CD244: variants seen among roughly 807,000 people sequenced by gnomAD.
CD244 encodes natural killer cell receptor 2B4.
In CD244, 20 loss-of-function variants were observed where a neutral mutation model predicts 45.5. The ratio of observed to expected loss-of-function variants is 0.44; its 90% CI spans 0.31 to 0.64. The LOEUF (loss-of-function observed/expected upper bound fraction) is 0.64, where lower values mean the gene tolerates loss of function less well. Among genes scored for constraint, CD244 ranks in the 30% least tolerant of loss-of-function variants. CD244 has a pLI of 0.08. For missense variants in CD244, 407 were observed against 426.9 expected, an observed-to-expected ratio of 0.95 and a Z score of 0.41; for synonymous variants, 185 against 160.5, an observed-to-expected ratio of 1.15 and a Z score of -1.15.
chr1:160,834,474 G>A (rs929993564), intron 6 of CD244, among the ~76,000 whole-genome samples: 2 of 152,126 alleles, frequency 1.3e-5, no homozygotes, highest in Non-Finnish European at 2.9e-5. Context: ...TCCTGCCCCA[G>A]CCTCCTGAGT....
At chr1:160,833,535 G>A (rs1024706001) in intron 7 of CD244, among the ~76,000 whole-genome samples, 2 of 152,202 alleles carry the variant, frequency 1.3e-5, no homozygotes, top group African/African-American at 2.4e-5. Context: ...CTTGGAGAAG[G>A]ATTTCAGTGC....
chr1:160,837,261 T>C (rs1669366475), intron 5 of CD244, among the ~76,000 whole-genome samples: 1 of 152,160 alleles, frequency 6.6e-6, no homozygotes, highest in African/African-American at 2.4e-5. Flanking sequence ...AAGTTGTTTT[T>C]CCTCCTGTGG....
At chr1:160,851,239 C>T (rs1485748910) in intron 1 of CD244, among the ~76,000 whole-genome samples, 1 of 152,176 alleles carries the variant, frequency 6.6e-6, no homozygotes, top group Non-Finnish European at 1.5e-5. Flanking sequence ...TGGGGACGGG[C>T]TCAGAGTCCA....
chr1:160,862,292 C>T (rs1670338998), intron 1 of CD244, among the ~76,000 whole-genome samples: 1 of 152,164 alleles, frequency 6.6e-6, no homozygotes, highest in South Asian at 2.1e-4. Context: ...TTGGAGGATG[C>T]AATTTTCATC....
At chr1:160,847,016 A>T (rs1270503775) in intron 1 of CD244, among the ~76,000 whole-genome samples, 1 of 152,152 alleles carries the variant, frequency 6.6e-6, no homozygotes, top group Non-Finnish European at 1.5e-5. Context: ...GGAATCAAAA[A>T]GATGCAGCAC....
At chr1:160,861,266 TC>T (rs1670292771) in intron 1 of CD244, among the ~76,000 whole-genome samples, 1 of 152,172 alleles carries the variant, frequency 6.6e-6, no homozygotes, top group African/African-American at 2.4e-5. Flanking sequence ...CTGTTCCTCA[TC>T]ATGCTCTGCC....
chr1:160,843,420 T>C (rs1337598371), intron 1 of CD244, among the ~76,000 whole-genome samples: 1 of 152,178 alleles, frequency 6.6e-6, no homozygotes, highest in African/African-American at 2.4e-5. Context: ...AAAAAATCAT[T>C]ACTAAACCTA....
At chr1:160,850,886 G>A (rs769898883) in intron 1 of CD244, among the ~76,000 whole-genome samples, 6 of 152,130 alleles carry the variant, frequency 3.9e-5, no homozygotes, top group Admixed American at 6.5e-5. Context: ...TTTTACCTGC[G>A]CTTCTGACCA....
intron 1 of CD244, among the ~76,000 whole-genome samples, chr1:160,853,245 T>C (rs545413461): frequency 1.1e-3 from 168 of 152,310 alleles, no homozygotes; most frequent in Non-Finnish European, 2.0e-3. Flanking sequence ...ACCACAATGA[T>C]GAGTATTAAT....
intron 1 of CD244, chr1:160,848,509 T>C: frequency 2.1e-6 from 1 of 476,542 alleles, no homozygotes; most frequent in Non-Finnish European, 4.0e-6. Flanking sequence ...TCTAATCTGA[T>C]ATAAATCAAA....
chr1:160,837,044 C>T (rs1669358293), intron 5 of CD244, among the ~76,000 whole-genome samples: 1 of 152,112 alleles, frequency 6.6e-6, no homozygotes, highest in Admixed American at 6.5e-5. Flanking sequence ...CTTTTCTCTC[C>T]CGTCCAGACC....
chr1:160,831,826 G>A (rs1460034120), intron 8 of CD244, among the ~76,000 whole-genome samples: 3 of 152,186 alleles, frequency 2.0e-5, no homozygotes, highest in African/African-American at 4.8e-5. Context: ...AGGCTCAGGT[G>A]TAGTATGAGG....
chr1:160,844,721 T>C (rs2101877671), intron 1 of CD244, among the ~76,000 whole-genome samples: 2 of 152,332 alleles, frequency 1.3e-5, no homozygotes, highest in African/African-American at 4.8e-5. Context: ...ATGCCCGTAA[T>C]TCCAGCACTT....
Position 160,830,655 on chromosome 1 carries a change from T to C in CD244, c.*692A>G, listed in dbSNP as rs985331928. 2.0e-5 allele frequency: 3 copies of C among 152,370 alleles called. No individual in the cohort carries two copies. The highest frequency in any genetic ancestry group is 2.1e-4 in the South Asian group (1 of 4,836). The allele number at this position is 152,370 out of a possible 1,614,324, so 9.4% of individuals were successfully genotyped here. ...AAAGCTGGTCTCAACACCCCAGTTA[T>C]CAGGTCAGCATGTGCTCTGGGTGAT... On this transcript the variant is annotated 3_prime_UTR_variant, in exon 9 of 9. Coordinates refer to ENST00000368034, the MANE Select transcript of CD244 (RefSeq NM_016382.4).
intron 6 of CD244, among the ~76,000 whole-genome samples, chr1:160,835,377 T>A (rs989944551): frequency 2.0e-5 from 3 of 152,196 alleles, no homozygotes; most frequent in Non-Finnish European, 4.4e-5. Flanking sequence ...AGTCTCGGTT[T>A]CCTCATTGTG....
intron 6 of CD244, 76 bp downstream of exon 6, chr1:160,836,104 TTATTCTGCCATTCAA>T: frequency 1.1e-6 from 1 of 941,160 alleles, no homozygotes; most frequent in Non-Finnish European, 1.7e-6. Context: ...CACCAAGATC[TTATTCTGCCATTCAA>T]TGGTGTGAGT....
intron 1 of CD244, chr1:160,848,509 TATA>T: frequency 4.2e-6 from 2 of 476,542 alleles, no homozygotes; most frequent in Non-Finnish European, 8.1e-6. Flanking sequence ...TCTAATCTGA[TATA>T]AATCAAAAGA....
chr1:160,837,518 G>T (rs1669375553), intron 5 of CD244, among the ~76,000 whole-genome samples: 1 of 152,148 alleles, frequency 6.6e-6, no homozygotes, highest in African/African-American at 2.4e-5. Context: ...AAAAAAACAG[G>T]CATGGGGAGC....
chr1:160,848,385 G>A (rs778432163), intron 1 of CD244: 56 of 564,046 alleles, frequency 9.9e-5, no homozygotes, highest in Non-Finnish European at 1.5e-4. Context: ...GATGGCAAGC[G>A]TGTGGTATTT....
Sources: gnomAD v4.1 joint callset for allele counts (sites outside exome capture counted in the v4.1 genomes callset) on GRCh38, gnomAD v4.1.1 for gene constraint, MANE v1.5 for transcripts, NCBI Gene and HGNC (gene_info 2026-07-23, HGNC 2026-07-21) for gene names.